AKAP9: variants seen among roughly 807,000 people sequenced by gnomAD.
AKAP9 encodes A-kinase anchor protein 9.
In AKAP9, 311 loss-of-function variants were observed where a neutral mutation model predicts 488.5. That is an observed-to-expected ratio of 0.64 (90% confidence interval 0.58 to 0.70). AKAP9 has a LOEUF of 0.70. AKAP9 is among the 30% of genes least tolerant of loss of function. AKAP9 has a pLI of 0.00. For missense variants in AKAP9, 4,215 were observed against 4,374.5 expected (o/e 0.96, Z 1.03); for synonymous variants, 1,462 against 1,483.5 (o/e 0.99, Z 0.33).
chr7:92,028,001 C>CAACCTGA (rs1265223673), intron 14 of AKAP9, among the ~76,000 whole-genome samples: 1 of 151,986 alleles, frequency 6.6e-6, no homozygotes, highest in Non-Finnish European at 1.5e-5. Flanking sequence ...CCCCCAACCC[C>CAACCTGA]GTGCTCTCTG....
Position 92,052,842 on chromosome 7 carries a change from G to C in AKAP9, c.5485G>C (p.Gly1829Arg). The change falls in exon 22 of 50, where the codon GGT (glycine) becomes CGT (arginine). Residue 1829 changes from glycine to arginine, a missense_variant. Around this residue, in one of 5 missense-constraint regions of AKAP9, gnomAD observed 2,361 missense variants for 2,430.0 expected, o/e 0.97. Transcript: ENST00000356239. ...GCTGTCACAACGACTTGTGAGGAGT[G>C]GTTTTGCTGGAACTGAAATAGACCC... ...TELSQRLVRS[G>R]FAGTEIDPEN... 1 of 1,613,774 alleles carries C rather than the reference G, an allele frequency of 6.2e-7. No homozygotes were observed. Among genetic ancestry groups the C allele is most frequent in the Non-Finnish European group, 8.5e-7 (1 of 1,179,858 alleles).
At chr7:92,053,503 T>A (rs145260668) in intron 22 of AKAP9, among the ~76,000 whole-genome samples, 2 of 152,240 alleles carry the variant, frequency 1.3e-5, no homozygotes, top group African/African-American at 4.8e-5. Flanking sequence ...CTGCCAACAG[T>A]CAAGCATGTG....
intron 2 of AKAP9, among the ~76,000 whole-genome samples, chr7:91,975,802 C>T (rs1245277506): frequency 1.3e-5 from 2 of 151,484 alleles, no homozygotes; most frequent in African/African-American, 4.9e-5. Flanking sequence ...TATCCTTTAT[C>T]AGATTGAGGA....
chr7:92,102,822 T>G lies in AKAP9; in HGVS notation c.11326T>G (p.Ser3776Ala), dbSNP rs1180969898. 6.2e-7 allele frequency: 1 copy of G among 1,613,856 alleles called. No homozygotes were observed. The highest frequency in any genetic ancestry group is 8.5e-7 in the Non-Finnish European group (1 of 1,179,806). The change falls in exon 46 of 50, where the codon TCC becomes GCC. Residue 3776 changes from serine to alanine, a missense_variant. By Grantham distance (99) the Ser-to-Ala change is moderately conservative. This residue lies in a region of AKAP9 where 253 missense variants were observed against 266.8 expected (regional missense o/e 0.95). Coordinates refer to ENST00000356239, the MANE Select transcript of AKAP9 (RefSeq NM_005751.5). Reference protein sequence around the residue: ...RSAVRVSIAISRMKFLVRRWH... With the variant: ...RSAVRVSIAIARMKFLVRRWH... ...GGCCGTCAGAGTATCCATTGCAATT[T>G]CCAGGTAAAGACTTGAAGGAAAATG...
At position 92,029,963 on chromosome 7, in the gene AKAP9, T is replaced by C. The variant is rs1168026747; in HGVS notation, c.4217T>C (p.Val1406Ala). Residue 1406 changes from valine to alanine, a missense_variant, in exon 15 of 50, where the codon GTG becomes GCG. Around this residue, in one of 5 missense-constraint regions of AKAP9, gnomAD observed 2,361 missense variants for 2,430.0 expected, o/e 0.97. Coordinates refer to ENST00000356239, the MANE Select transcript of AKAP9 (RefSeq NM_005751.5). ...AQRTMYPGSC[V>A]KKNIDGTIEF... The stretch of plus-strand genomic sequence containing the variant: ...AGAACAATGTACCCTGGAAGTTGTG[T>C]GAAAAAGAATATTGATGGTACAATA... 6.2e-7 allele frequency: 1 copy of C among 1,611,754 alleles called. No homozygotes were observed. The highest frequency in any genetic ancestry group is 8.5e-7 in the Non-Finnish European group (1 of 1,178,112).
rs770332643 is a variant in AKAP9, at chr7:92,001,388, A to C, written c.1471A>C (p.Met491Leu). ...AGTTAATGAAGATCAGATAAAGTTA[A>C]TGAATGTGGCAATAAATGAACTGAA... ...ITVNEDQIKLMNVAINELNIK... is the reference protein window; with the variant it reads ...ITVNEDQIKLLNVAINELNIK... The change falls in exon 8 of 50, where the codon ATG becomes CTG. Residue 491 changes from methionine to leucine, a missense_variant. Met to Leu is a conservative substitution (Grantham distance 15, BLOSUM62 2). Around this residue, in one of 5 missense-constraint regions of AKAP9, gnomAD observed 2,361 missense variants for 2,430.0 expected, o/e 0.97. Coordinates refer to ENST00000356239, the MANE Select transcript of AKAP9 (RefSeq NM_005751.5). 1.4e-5 allele frequency: 22 copies of C among 1,613,736 alleles called. No individual in the cohort carries two copies. The highest frequency in any genetic ancestry group is 1.9e-5 in the Non-Finnish European group (22 of 1,179,776).
In AKAP9 at chr7:91,992,901, T is replaced by A. The variant is rs1186774288; in HGVS notation, c.422T>A (p.Val141Asp). 1 of 1,613,800 alleles carries A rather than the reference T, an allele frequency of 6.2e-7. No individual in the cohort carries two copies. Among genetic ancestry groups the A allele is most frequent in the African/African-American group, 1.3e-5 (1 of 74,908 alleles). Residue 141 changes from valine (V) to aspartate (D), a missense_variant, in exon 5 of 50, where the codon GTT becomes GAT. Physicochemically the swap from Val to Asp is radical, Grantham distance 152. Coordinates refer to ENST00000356239, the MANE Select transcript of AKAP9 (RefSeq NM_005751.5). ...TTGATTTAGGAAGAAGAATTTGGTGTTGATGATTCTTATTCTGAACAAGGA... is the reference window on the plus strand; with the variant it reads ...TTGATTTAGGAAGAAGAATTTGGTGATGATGATTCTTATTCTGAACAAGGA... ...TNLLREEEFGVDDSYSEQGAQ... is the reference protein window; with the variant it reads ...TNLLREEEFGDDDSYSEQGAQ...
chr7:91,963,279 G>A (rs2130520903), intron 1 of AKAP9, among the ~76,000 whole-genome samples: 1 of 151,988 alleles, frequency 6.6e-6, no homozygotes, highest in Middle Eastern at 3.4e-3. Flanking sequence ...GACATGAGGT[G>A]GAATAACTGT....
At chr7:91,988,480 A>G (rs1005635660) in intron 3 of AKAP9, among the ~76,000 whole-genome samples, 3 of 151,912 alleles carry the variant, frequency 2.0e-5, no homozygotes, top group Non-Finnish European at 4.4e-5. Flanking sequence ...CAAAAAGAGA[A>G]AGAGAGAGAG....
At position 92,102,813 on chromosome 7, in the gene AKAP9, A is replaced by G. The variant is rs746874048; in HGVS notation, c.11317A>G (p.Ile3773Val). ...GTTTCGGTCGGCCGTCAGAGTATCC[A>G]TTGCAATTTCCAGGTAAAGACTTGA... is the stretch of plus-strand genomic sequence containing the variant. ...TRFRSAVRVSIAISRMKFLVR... is the reference protein window; with the variant it reads ...TRFRSAVRVSVAISRMKFLVR... Residue 3773 changes from isoleucine to valine, a missense_variant, in exon 46 of 50, where the codon ATT becomes GTT. Physicochemically the swap from Ile to Val is conservative, Grantham distance 29. This residue lies in a region of AKAP9 where 253 missense variants were observed against 266.8 expected (regional missense o/e 0.95). Coordinates refer to ENST00000356239, the MANE Select transcript of AKAP9 (RefSeq NM_005751.5). 61 of 1,613,986 alleles carry G rather than the reference A, an allele frequency of 3.8e-5. No individual in the cohort carries two copies. Among genetic ancestry groups the G allele is most frequent in the Non-Finnish European group, 5.0e-5 (59 of 1,180,006 alleles).
At chr7:92,057,774 T>A (rs1287592418) in intron 22 of AKAP9, 1 of 223,726 alleles carries the variant, frequency 4.5e-6, no homozygotes, top group Admixed American at 5.7e-5. Flanking sequence ...TCGCTGATAT[T>A]AAAAGCAGTT....
chr7:91,992,621 G>A (rs113377647), intron 4 of AKAP9, among the ~76,000 whole-genome samples: 6 of 133,270 alleles, frequency 4.5e-5, no homozygotes, highest in East Asian at 4.8e-4. Context: ...CTGAGATTGC[G>A]CCACTGCACT....
intron 17 of AKAP9, among the ~76,000 whole-genome samples, chr7:92,039,008 C>T (rs1010334047): frequency 2.6e-5 from 4 of 152,078 alleles, no homozygotes; most frequent in African/African-American, 7.2e-5. Flanking sequence ...CAGGTTCAGG[C>T]GATTCTCCTG....
In AKAP9 at chr7:91,972,135, G is replaced by C. The variant is rs114124690; in HGVS notation, c.49-1576G>C. Reference sequence around the variant, plus strand: ...ATCGGTAAGGTCCCAAAGGCCCCTAGTCTGGCTAGGGGCTCGTGCCCAGAG... The same window carrying C: ...ATCGGTAAGGTCCCAAAGGCCCCTACTCTGGCTAGGGGCTCGTGCCCAGAG... On this transcript the variant is annotated intron_variant, in intron 1 of 49. Coordinates refer to ENST00000356239, the MANE Select transcript of AKAP9 (RefSeq NM_005751.5). 2.1e-3 allele frequency among the ~76,000 whole-genome samples: 316 copies of C among 152,080 alleles called. 2 individuals are homozygous for C. Among genetic ancestry groups the C allele is most frequent in the African/African-American group, 7.4e-3 (305 of 41,496 alleles).
In AKAP9 at chr7:92,029,989, G is replaced by C. The variant is rs1202498253; in HGVS notation, c.4243G>C (p.Glu1415Gln). 6.3e-7 allele frequency: 1 copy of C among 1,590,084 alleles called. No homozygotes were observed. Among genetic ancestry groups the C allele is most frequent in the African/African-American group, 1.3e-5 (1 of 74,186 alleles). Residue 1415 changes from glutamate to glutamine, a missense_variant and splice_region_variant, in exon 15 of 50, where the codon GAG becomes CAG. This residue lies in a region of AKAP9 where 2,361 missense variants were observed against 2,430.0 expected (regional missense o/e 0.97). Transcript: ENST00000356239. ...GAAAAAGAATATTGATGGTACAATA[G>C]AGGTATTATATTTTTAATTTTTATC... ...CVKKNIDGTIEFSGEFGVKEE... is the reference protein window; with the variant it reads ...CVKKNIDGTIQFSGEFGVKEE...
At chr7:92,109,245 AT>A (rs1434967860) in intron 49 of AKAP9, among the ~76,000 whole-genome samples, 2 of 152,204 alleles carry the variant, frequency 1.3e-5, no homozygotes, top group African/African-American at 4.8e-5. Flanking sequence ...AAAACAAGTC[AT>A]ACTTTAAAAT....
intron 14 of AKAP9, among the ~76,000 whole-genome samples, chr7:92,027,029 G>A (rs2130743400): frequency 6.9e-6 from 1 of 144,828 alleles, no homozygotes; most frequent in Admixed American, 6.9e-5. Flanking sequence ...TGCCCTGTCT[G>A]GGATGTGAGG....
In AKAP9 at chr7:92,082,647, T is replaced by C. The variant is rs758165049; in HGVS notation, c.8145T>C (p.Leu2715=). The change falls in exon 32 of 50, where the codon CTT becomes CTC. Residue 2715 remains leucine (L), a synonymous_variant. Transcript: ENST00000356239. The stretch of plus-strand genomic sequence containing the variant: ...GTTATAAAGAAAAGGCTGAAAAACT[T>C]CAAGAAGAGCTTTTGGTAAGATAAG... ...LASYKEKAEK[L]QEELLVKETN... 1.2e-6 allele frequency: 2 copies of C among 1,613,992 alleles called. No individual in the cohort carries two copies. Among genetic ancestry groups the C allele is most frequent in the East Asian group, 2.2e-5 (1 of 44,824 alleles).
At chr7:91,985,291 A>G (rs956463558) in intron 3 of AKAP9, among the ~76,000 whole-genome samples, 3 of 152,154 alleles carry the variant, frequency 2.0e-5, no homozygotes, top group Non-Finnish European at 2.9e-5. Context: ...ACCTCCCATC[A>G]ATACCTAGTT....
Sources: gnomAD v4.1 joint callset for allele counts (sites outside exome capture counted in the v4.1 genomes callset) on GRCh38, gnomAD v4.1.1 for gene constraint, gnomAD v4.1.1 regional missense constraint, MANE v1.5 for transcripts, NCBI Gene and HGNC (gene_info 2026-07-23, HGNC 2026-07-21) for gene names.